Variants in DLGAP2 observed in about 807,000 individuals in gnomAD.
DLGAP2 encodes the protein DLG associated protein 2.
DLGAP2 carries 26 observed loss-of-function variants against 100.3 expected under a neutral mutation model. The observed-to-expected ratio is 0.26, with a 90% CI of 0.19 to 0.36. The LOEUF is 0.36. DLGAP2 is among the 10% of genes least tolerant of loss of function. The pLI, the probability that DLGAP2 is intolerant of heterozygous loss-of-function variation, is 1.00. For missense variants in DLGAP2, 1,858 were observed against 1,453.2 expected, an observed-to-expected ratio of 1.28 and a Z score of -4.53; for synonymous variants, 886 against 630.1, an observed-to-expected ratio of 1.41 and a Z score of -6.08.
intron 2 of DLGAP2, among the ~76,000 whole-genome samples, chr8:1,006,321 C>T (rs571516355): frequency 3.2e-4 from 49 of 152,050 alleles, no homozygotes; most frequent in African/African-American, 1.1e-3. Context: ...TCTCAGAATA[C>T]GGTCCTTTAT....
intron 3 of DLGAP2, among the ~76,000 whole-genome samples, chr8:1,419,921 T>C (rs1029881054): frequency 6.6e-5 from 10 of 152,232 alleles, no homozygotes; most frequent in African/African-American, 1.9e-4. Context: ...TCGACCTGAG[T>C]GTCCATCAAC....
At chr8:927,094 C>T (rs1363589333) in intron 2 of DLGAP2, 4 of 985,184 alleles carry the variant, frequency 4.1e-6, no homozygotes, top group African/African-American at 3.5e-5. Context: ...CCCCAGTGGC[C>T]GGGATGGTAA....
intron 1 of DLGAP2, among the ~76,000 whole-genome samples, chr8:779,264 T>C (rs562175125): frequency 6.6e-6 from 1 of 152,288 alleles, no homozygotes; most frequent in East Asian, 1.9e-4. Flanking sequence ...GAGATGAACC[T>C]GGTACCTCAG....
intron 3 of DLGAP2, among the ~76,000 whole-genome samples, 166 bp downstream of exon 3, chr8:1,259,049 C>T: frequency 6.6e-6 from 1 of 152,208 alleles, no homozygotes; most frequent in Non-Finnish European, 1.5e-5. Flanking sequence ...AAGCAAAGTG[C>T]AAGGTGAGCG....
intron 2 of DLGAP2, among the ~76,000 whole-genome samples, chr8:995,265 C>T (rs1037183406): frequency 3.9e-5 from 6 of 152,078 alleles, no homozygotes; most frequent in African/African-American, 1.4e-4. Flanking sequence ...GTGTGTTGCA[C>T]TTAGAATAAG....
At chr8:773,050 A>G (rs1821407829) in intron 1 of DLGAP2, among the ~76,000 whole-genome samples, 1 of 152,174 alleles carries the variant, frequency 6.6e-6, no homozygotes, top group African/African-American at 2.4e-5. Context: ...TGCCCAGGCC[A>G]TTGCTGACAG....
chr8:746,086 G>T (rs746105432), intron 1 of DLGAP2, among the ~76,000 whole-genome samples: 1 of 152,204 alleles, frequency 6.6e-6, no homozygotes, highest in Non-Finnish European at 1.5e-5. Flanking sequence ...GTCGGGGCCC[G>T]TGTGCCCTGC....
chr8:947,986 A>G (rs949167219), intron 2 of DLGAP2, among the ~76,000 whole-genome samples: 2 of 106,616 alleles, frequency 1.9e-5, no homozygotes, highest in Admixed American at 9.5e-5. Context: ...CCCTGATCCC[A>G]TGCCAGCCCG....
chr8:940,283 C>T (rs917404556), intron 2 of DLGAP2, among the ~76,000 whole-genome samples: 14 of 151,794 alleles, frequency 9.2e-5, no homozygotes, highest in Non-Finnish European at 5.9e-5. Flanking sequence ...CCAGGATGGG[C>T]AGAGGCACGA....
intron 8 of DLGAP2, among the ~76,000 whole-genome samples, chr8:1,639,575 C>T (rs745460917): frequency 1.3e-5 from 2 of 152,182 alleles, no homozygotes; most frequent in Admixed American, 6.5e-5. Flanking sequence ...ACTGAGGAAC[C>T]CCTACAAAGC....
chr8:1,265,525 G>A (rs34075676), intron 3 of DLGAP2, among the ~76,000 whole-genome samples: 22,015 of 152,146 alleles, frequency 0.14, 1,677 homozygotes, highest in African/African-American at 0.18. Flanking sequence ...TGGGGAGAAA[G>A]GAGAAGCAGC....
chr8:818,148 A>G (rs893838699), intron 1 of DLGAP2, among the ~76,000 whole-genome samples: 1 of 152,176 alleles, frequency 6.6e-6, no homozygotes, highest in Non-Finnish European at 1.5e-5. Flanking sequence ...GTCTGAGCTC[A>G]GACTCTCCTT....
chr8:841,900 G>C (rs778411540), intron 1 of DLGAP2, among the ~76,000 whole-genome samples: 1 of 152,162 alleles, frequency 6.6e-6, no homozygotes, highest in Non-Finnish European at 1.5e-5. Flanking sequence ...CGAGAGCACA[G>C]GATATAATAG....
chr8:1,324,890 A>G (rs1800985195), intron 3 of DLGAP2, among the ~76,000 whole-genome samples: 1 of 152,240 alleles, frequency 6.6e-6, no homozygotes, highest in South Asian at 2.1e-4. Context: ...GAATAAAGGA[A>G]GACTCCACAA....
intron 2 of DLGAP2, among the ~76,000 whole-genome samples, chr8:1,237,201 C>A (rs1159704099): frequency 7.0e-6 from 1 of 142,146 alleles, no homozygotes; most frequent in South Asian, 2.2e-4. Context: ...AGTTCTCTCA[C>A]GTGGTGCCGT....
chr8:881,009 T>G (rs974833172), intron 1 of DLGAP2, among the ~76,000 whole-genome samples: 1 of 152,244 alleles, frequency 6.6e-6, no homozygotes, highest in Non-Finnish European at 1.5e-5. Flanking sequence ...TGATAGGTGC[T>G]CAGTAAGTGG....
At chr8:1,091,419 AAGACGC>A (rs1804177770) in intron 2 of DLGAP2, among the ~76,000 whole-genome samples, 1 of 152,230 alleles carries the variant, frequency 6.6e-6, no homozygotes, top group Non-Finnish European at 1.5e-5. Flanking sequence ...TCAGTCTAGT[AAGACGC>A]TAACTATTAA....
At chr8:982,211 A>G (rs1039248757) in intron 2 of DLGAP2, among the ~76,000 whole-genome samples, 2 of 152,222 alleles carry the variant, frequency 1.3e-5, no homozygotes, top group Non-Finnish European at 1.5e-5. Flanking sequence ...CGGAGCAGAG[A>G]TAATAACAGT....
chr8:1,412,844 G>A (rs1796772491), intron 3 of DLGAP2, among the ~76,000 whole-genome samples: 1 of 150,816 alleles, frequency 6.6e-6, no homozygotes, highest in South Asian at 2.1e-4. Flanking sequence ...AGTGCTCAGG[G>A]CCACCTGCAT....
Sources: gnomAD v4.1 joint callset for allele counts (sites outside exome capture counted in the v4.1 genomes callset) on GRCh38, gnomAD v4.1.1 for gene constraint, MANE v1.5 for transcripts, NCBI Gene and HGNC (gene_info 2026-07-23, HGNC 2026-07-21) for gene names.